Variants in PRAG1 observed in about 807,000 individuals in gnomAD.
PRAG1 encodes the protein inactive tyrosine-protein kinase PRAG1.
In PRAG1, 110 loss-of-function variants were observed where a neutral mutation model predicts 95.6. The ratio of observed to expected loss-of-function variants is 1.15; its 90% CI spans 0.99 to 1.35. The LOEUF (loss-of-function observed/expected upper bound fraction) is 1.35. Ranked by LOEUF, PRAG1 falls within the 40% of genes most tolerant of loss-of-function variation. The probability of loss-of-function intolerance (pLI) is 0.00; values close to 1 mark genes in which losing one functional copy is unlikely to be tolerated. For missense variants in PRAG1, 2,554 were observed against 1,864.7 expected (o/e 1.37, Z -6.81); for synonymous variants, 1,052 against 819.4 (o/e 1.28, Z -4.85).
chr8:8,377,155 C>G lies in PRAG1; in HGVS notation c.1254G>C (p.Lys418Asn). 6.2e-7 allele frequency: 1 copy of G among 1,612,172 alleles called. No individual in the cohort carries two copies. Among genetic ancestry groups the G allele is most frequent in the Non-Finnish European group, 8.5e-7 (1 of 1,179,996 alleles). The change falls in exon 3 of 6, where the codon AAG becomes AAC. Residue 418 changes from lysine (K) to asparagine (N), a missense_variant. Physicochemically the swap from Lys to Asn is moderately conservative, Grantham distance 94 (BLOSUM62 0). Transcript: ENST00000615670. ...QPEPIYAEST[K>N]RKKAAPVPSK... Reference sequence around the variant, plus strand: ...AAGGCACCGGAGCTGCCTTCTTCCTCTTGGTGCTCTCAGCATAGATGGGTT... The same window carrying G: ...AAGGCACCGGAGCTGCCTTCTTCCTGTTGGTGCTCTCAGCATAGATGGGTT...
chr8:8,384,462 G>A (rs530940163), intron 1 of PRAG1, among the ~76,000 whole-genome samples: 42 of 152,016 alleles, frequency 2.8e-4, no homozygotes, highest in Admixed American at 7.9e-4. Context: ...TGCCAGGGAC[G>A]GATGGACGCA....
At position 8,376,501 on chromosome 8, in the gene PRAG1, C is replaced by A; in HGVS notation, c.1908G>T (p.Gln636His). The A allele has an allele frequency of 6.2e-7, 1 of 1,612,144 alleles. No homozygotes were observed. The highest frequency in any genetic ancestry group is 8.5e-7 in the Non-Finnish European group (1 of 1,178,740). Reference protein sequence around the residue: ...PRFQAGTWSRQCRIEEEEEVE... With the variant: ...PRFQAGTWSRHCRIEEEEEVE... ...CCTCCTCTTCTTCCTCTATCCGGCA[C>A]TGACGACTCCAGGTGCCTGCCTGGA... The change falls in exon 3 of 6, where the codon CAG (glutamine) becomes CAT (histidine). Residue 636 changes from glutamine (Q) to histidine (H), a missense_variant. Physicochemically the swap from Gln to His is conservative, Grantham distance 24. Coordinates refer to ENST00000615670, the MANE Select transcript of PRAG1 (RefSeq NM_001080826.3).
At chr8:8,359,787 G>A (rs183686516) in intron 3 of PRAG1, among the ~76,000 whole-genome samples, 31 of 152,108 alleles carry the variant, frequency 2.0e-4, no homozygotes, top group South Asian at 4.2e-4. Context: ...TTCATCTATC[G>A]CAGTTAACAA....
At chr8:8,382,250 C>A (rs982585971) in intron 1 of PRAG1, among the ~76,000 whole-genome samples, 1 of 152,124 alleles carries the variant, frequency 6.6e-6, no homozygotes, top group East Asian at 1.9e-4. Flanking sequence ...GAAACAAGAA[C>A]TGTCAAGCAG....
At chr8:8,325,492 T>C (rs1798607449) in intron 5 of PRAG1, among the ~76,000 whole-genome samples, 1 of 152,238 alleles carries the variant, frequency 6.6e-6, no homozygotes, top group South Asian at 2.1e-4. Context: ...CAACACTTGT[T>C]TTTAACATTC....
At chr8:8,336,861 C>T (rs1173564343) in intron 4 of PRAG1, among the ~76,000 whole-genome samples, 3 of 151,486 alleles carry the variant, frequency 2.0e-5, no homozygotes, top group Non-Finnish European at 2.9e-5. Flanking sequence ...TTAGGGTTTT[C>T]CTTATACAAC....
chr8:8,338,366 C>T (rs1330314550), intron 4 of PRAG1, among the ~76,000 whole-genome samples: 1 of 152,188 alleles, frequency 6.6e-6, no homozygotes, highest in African/African-American at 2.4e-5. Context: ...GTAGATCACT[C>T]CCCAGAACTG....
intron 4 of PRAG1, among the ~76,000 whole-genome samples, chr8:8,338,950 AC>A: frequency 6.6e-6 from 1 of 152,310 alleles, no homozygotes; most frequent in Non-Finnish European, 1.5e-5. Context: ...TGGAGGACAG[AC>A]CCACCCATAG....
intron 3 of PRAG1, among the ~76,000 whole-genome samples, chr8:8,340,134 G>C (rs1307571921): frequency 6.6e-6 from 1 of 152,184 alleles, no homozygotes; most frequent in Non-Finnish European, 1.5e-5. Context: ...AAAGGGTCTA[G>C]ATTGTTTCTT....
At chr8:8,385,942 A>C (rs78325447) in intron 1 of PRAG1, among the ~76,000 whole-genome samples, 204 of 151,966 alleles carry the variant, frequency 1.3e-3, no homozygotes, top group East Asian at 6.0e-3. Flanking sequence ...CCCCTTGACA[A>C]TACTCTAGCG....
chr8:8,376,820 G>A lies in PRAG1; in HGVS notation c.1589C>T (p.Ala530Val), dbSNP rs750446172. The A allele has an allele frequency of 1.2e-6, 2 of 1,612,298 alleles. No individual in the cohort carries two copies. The highest frequency in any genetic ancestry group is 1.7e-6 in the Non-Finnish European group (2 of 1,179,878). ...GQGLSSRESH[A>V]HSASESKPKE... ...GGGCTTGCTCTCGCTGGCACTGTGAGCATGGCTTTCCCTGGAGCTCAGCCC... is the reference window on the plus strand; with the variant it reads ...GGGCTTGCTCTCGCTGGCACTGTGAACATGGCTTTCCCTGGAGCTCAGCCC... The change falls in exon 3 of 6, where the codon GCT becomes GTT. Residue 530 changes from alanine (A) to valine (V), a missense_variant. By Grantham distance (64) the Ala-to-Val change is moderately conservative. Transcript: ENST00000615670.
intron 3 of PRAG1, among the ~76,000 whole-genome samples, chr8:8,345,945 T>C (rs1799326787): frequency 6.6e-6 from 1 of 152,196 alleles, no homozygotes; most frequent in African/African-American, 2.4e-5. Context: ...AATTAAAAAA[T>C]GAACAGGAAG....
chr8:8,373,580 G>A (rs1437027549), intron 3 of PRAG1, among the ~76,000 whole-genome samples: 1 of 151,768 alleles, frequency 6.6e-6, no homozygotes, highest in Non-Finnish European at 1.5e-5. Context: ...CCCCAGAGAA[G>A]CTGGGATGAC....
At chr8:8,372,255 A>G (rs1216192986) in intron 3 of PRAG1, among the ~76,000 whole-genome samples, 2 of 152,084 alleles carry the variant, frequency 1.3e-5, no homozygotes, top group East Asian at 3.8e-4. Context: ...CCTTACCCCA[A>G]GTGATCCACC....
intron 5 of PRAG1, among the ~76,000 whole-genome samples, chr8:8,326,946 T>C (rs1798652180): frequency 6.6e-6 from 1 of 152,162 alleles, no homozygotes; most frequent in Admixed American, 6.5e-5. Flanking sequence ...ATTACTATTA[T>C]TGTTCAAGAT....
In PRAG1 at chr8:8,381,451, C is replaced by T. The variant is rs774165712; in HGVS notation, c.297G>A (p.Trp99Ter). The T allele has an allele frequency of 6.2e-7, 1 of 1,613,610 alleles. No individual in the cohort carries two copies. The highest frequency in any genetic ancestry group is 1.3e-5 in the African/African-American group (1 of 74,940). ...TMMSSEASDV[W>*]TEANLSAEVS... ...CTTCGGCACTCAGGTTGGCCTCTGTCCACACATCAGAGGCCTCGGAGCTCA... is the reference window on the plus strand; with the variant it reads ...CTTCGGCACTCAGGTTGGCCTCTGTTCACACATCAGAGGCCTCGGAGCTCA... Residue 99 changes from tryptophan to a stop codon, truncating the protein, a stop_gained, in exon 2 of 6, where the codon TGG becomes TGA. Coordinates refer to ENST00000615670, the MANE Select transcript of PRAG1 (RefSeq NM_001080826.3). LOFTEE classifies it high-confidence loss of function.
chr8:8,376,097 C>G (rs1334378954), intron 3 of PRAG1, 150 bp downstream of exon 3: 2 of 1,067,038 alleles, frequency 1.9e-6, no homozygotes, highest in African/African-American at 3.2e-5. Flanking sequence ...CCGAGGGCTG[C>G]ACTGGGACCC....
At position 8,328,463 on chromosome 8, in the gene PRAG1, T is replaced by G. The variant is rs761979952; in HGVS notation, c.2321-2A>C. The G allele has an allele frequency of 6.2e-7, 1 of 1,613,158 alleles. No homozygotes were observed. The highest frequency in any genetic ancestry group is 8.5e-7 in the Non-Finnish European group (1 of 1,179,896). ...AGTGAGCCAGCTCAGACGAGGGACC[T>G]GAAGAGGAGAGACAGAAACCATAAG... On this transcript the variant is annotated splice_acceptor_variant, in intron 4 of 5. Coordinates refer to ENST00000615670, the MANE Select transcript of PRAG1 (RefSeq NM_001080826.3). LOFTEE classifies it high-confidence loss of function.
At chr8:8,349,250 T>C (rs946736677) in intron 3 of PRAG1, among the ~76,000 whole-genome samples, 2 of 148,174 alleles carry the variant, frequency 1.3e-5, no homozygotes, top group Non-Finnish European at 2.9e-5. Flanking sequence ...GAGGTTTCTA[T>C]TATTTATCTA....
Sources: allele counts gnomAD v4.1 joint callset (sites outside exome capture counted in the v4.1 genomes callset), GRCh38; gene constraint gnomAD v4.1.1; transcripts MANE v1.5; gene names NCBI Gene and HGNC (gene_info 2026-07-23, HGNC 2026-07-21).